PTPRG: variants seen among roughly 807,000 people sequenced by gnomAD.
PTPRG encodes protein tyrosine phosphatase receptor type G.
In PTPRG, 102 loss-of-function variants were observed where a neutral mutation model predicts 165.3. The observed-to-expected ratio is 0.62, with a 90% CI of 0.53 to 0.73. The LOEUF is 0.73. Among genes scored for constraint, PTPRG ranks in the 30% least tolerant of loss-of-function variants. The pLI, the probability that PTPRG is intolerant of heterozygous loss-of-function variation, is 0.00. For synonymous variants in PTPRG, 675 were observed against 669.5 expected (o/e 1.01, Z -0.13); for missense variants, 1,866 against 1,861.4 (o/e 1.00, Z -0.05).
intron 1 of PTPRG, among the ~76,000 whole-genome samples, chr3:61,710,680 A>G (rs1187074049): frequency 6.6e-6 from 1 of 152,082 alleles, no homozygotes; most frequent in East Asian, 1.9e-4. Context: ...CCCAAGACAC[A>G]GTCCTTCTTT....
intron 2 of PTPRG, among the ~76,000 whole-genome samples, chr3:61,809,167 G>C (rs1032535753): frequency 6.6e-6 from 1 of 151,060 alleles, no homozygotes; most frequent in Non-Finnish European, 1.5e-5. Flanking sequence ...TATCACGGTG[G>C]GGGAGGTTAG....
At chr3:62,039,752 C>T (rs914675901) in intron 4 of PTPRG, among the ~76,000 whole-genome samples, 2 of 152,186 alleles carry the variant, frequency 1.3e-5, no homozygotes, top group African/African-American at 2.4e-5. Flanking sequence ...GCCTTAAATA[C>T]GCTTTATAAA....
chr3:62,253,127 A>G (rs1701458768), intron 15 of PTPRG, among the ~76,000 whole-genome samples: 1 of 152,160 alleles, frequency 6.6e-6, no homozygotes, highest in South Asian at 2.1e-4. Flanking sequence ...ACCTGAAAGC[A>G]TTTCTTTTAA....
At chr3:61,787,584 G>A (rs765583329) in intron 2 of PTPRG, among the ~76,000 whole-genome samples, 4 of 152,296 alleles carry the variant, frequency 2.6e-5, no homozygotes, top group East Asian at 1.9e-4. Context: ...ACCATAGTCC[G>A]CTTTATTAGG....
At chr3:61,826,610 A>G (rs941362267) in intron 2 of PTPRG, among the ~76,000 whole-genome samples, 8 of 151,938 alleles carry the variant, frequency 5.3e-5, no homozygotes, top group African/African-American at 1.9e-4. Context: ...GAATGGCCAG[A>G]TGTTTGGTGT....
At chr3:62,123,005 A>G (rs751238307) in intron 5 of PTPRG, among the ~76,000 whole-genome samples, 3 of 152,182 alleles carry the variant, frequency 2.0e-5, no homozygotes, top group Non-Finnish European at 4.4e-5. Flanking sequence ...CTATTCCGCT[A>G]CTCAGTTCTT....
At chr3:61,993,528 A>G (rs2040949186) in intron 3 of PTPRG, among the ~76,000 whole-genome samples, 1 of 152,066 alleles carries the variant, frequency 6.6e-6, no homozygotes, top group African/African-American at 2.4e-5. Context: ...CCACTGTACT[A>G]GTTTTGAAAG....
intron 2 of PTPRG, among the ~76,000 whole-genome samples, chr3:61,836,398 G>A (rs1468501728): frequency 1.3e-5 from 2 of 152,160 alleles, no homozygotes; most frequent in African/African-American, 4.8e-5. Flanking sequence ...AACATTTTGA[G>A]GCCTGGTGTT....
At chr3:61,697,950 A>T (rs888366159) in intron 1 of PTPRG, among the ~76,000 whole-genome samples, 4 of 152,210 alleles carry the variant, frequency 2.6e-5, no homozygotes, top group Non-Finnish European at 5.9e-5. Flanking sequence ...TTGAACAAAC[A>T]GTCCTTGCTA....
intron 2 of PTPRG, among the ~76,000 whole-genome samples, chr3:61,962,926 AATAC>A (rs1437810511): frequency 2.0e-5 from 3 of 152,212 alleles, no homozygotes; most frequent in African/African-American, 7.2e-5. Flanking sequence ...AAAAATAGAT[AATAC>A]ATGTACAGCA....
intron 5 of PTPRG, among the ~76,000 whole-genome samples, chr3:62,114,464 G>A (rs1025003084): frequency 6.6e-6 from 1 of 152,072 alleles, no homozygotes; most frequent in African/African-American, 2.4e-5. Context: ...TGTTGTTGTT[G>A]TTTAGGAGTC....
intron 1 of PTPRG, among the ~76,000 whole-genome samples, chr3:61,588,993 G>C (rs1349879516): frequency 3.3e-5 from 5 of 151,850 alleles, no homozygotes; most frequent in African/African-American, 4.9e-5. Context: ...TGTAAAACAG[G>C]GGTCAGCAAA....
intron 1 of PTPRG, among the ~76,000 whole-genome samples, chr3:61,574,378 T>C (rs1700129897): frequency 6.6e-6 from 1 of 152,208 alleles, no homozygotes; most frequent in African/African-American, 2.4e-5. Context: ...TCATGGTGAT[T>C]CTAATGTGCA....
At chr3:62,045,163 G>C (rs1439509041) in intron 4 of PTPRG, among the ~76,000 whole-genome samples, 1 of 152,156 alleles carries the variant, frequency 6.6e-6, no homozygotes, top group Non-Finnish European at 1.5e-5. Context: ...TTGCTTTTCA[G>C]ATGATGCAAA....
intron 2 of PTPRG, among the ~76,000 whole-genome samples, chr3:61,825,736 T>C (rs1553676641): frequency 6.6e-6 from 1 of 151,834 alleles, no homozygotes; most frequent in Non-Finnish European, 1.5e-5. Flanking sequence ...CCTCCATCTC[T>C]TGGGCTCATG....
At chr3:61,644,870 G>A (rs1275132323) in intron 1 of PTPRG, among the ~76,000 whole-genome samples, 2 of 152,178 alleles carry the variant, frequency 1.3e-5, no homozygotes, top group Admixed American at 6.5e-5. Context: ...ACACTCATTT[G>A]TCTTAAAGTC....
chr3:61,834,801 A>G (rs1379630118), intron 2 of PTPRG, among the ~76,000 whole-genome samples: 1 of 145,278 alleles, frequency 6.9e-6, no homozygotes, highest in African/African-American at 2.7e-5. Context: ...CTGGAGTGAG[A>G]CTCCATCTCA....
chr3:61,752,784 T>C (rs2033482548), intron 2 of PTPRG, among the ~76,000 whole-genome samples: 1 of 1,472 alleles, frequency 6.8e-4, no homozygotes, highest in Non-Finnish European at 2.1e-3. Flanking sequence ...CAAGACTGTC[T>C]CAAAAAAAAA....
intron 6 of PTPRG, among the ~76,000 whole-genome samples, chr3:62,150,352 TGATACAGTCCCTGTA>T (rs899996228): frequency 6.6e-6 from 1 of 152,196 alleles, no homozygotes; most frequent in Non-Finnish European, 1.5e-5. Flanking sequence ...AGGAACCCTT[TGATACAGTCCCTGTA>T]GAAAGTGGCT....
Sources: gnomAD v4.1 joint callset for allele counts (sites outside exome capture counted in the v4.1 genomes callset) on GRCh38, gnomAD v4.1.1 for gene constraint, MANE v1.5 for transcripts, NCBI Gene and HGNC (gene_info 2026-07-23, HGNC 2026-07-21) for gene names.